CDYL2: variants seen among roughly 807,000 people sequenced by gnomAD.
The protein encoded by CDYL2 is chromodomain Y-like protein 2.
In CDYL2, 23 loss-of-function variants were observed where a neutral mutation model predicts 49.4. The ratio of observed to expected loss-of-function variants is 0.47; its 90% CI spans 0.34 to 0.66. CDYL2 has a LOEUF of 0.66. Ranked by LOEUF, CDYL2 falls within the 30% of genes least tolerant of loss-of-function variation. The pLI is 0.01. For synonymous variants in CDYL2, 360 were observed against 268.8 expected (o/e 1.34, Z -3.32); for missense variants, 678 against 656.4 (o/e 1.03, Z -0.36).
At chr16:80,655,327 C>T (rs537799037) in intron 2 of CDYL2, among the ~76,000 whole-genome samples, 1 of 152,304 alleles carries the variant, frequency 6.6e-6, no homozygotes, top group East Asian at 1.9e-4. Context: ...TTACTTGCCA[C>T]CTCCTATGGG....
chr16:80,627,144 C>G (rs987858617), intron 3 of CDYL2, among the ~76,000 whole-genome samples: 1 of 152,126 alleles, frequency 6.6e-6, no homozygotes, highest in Non-Finnish European at 1.5e-5. Context: ...TAAGCACATT[C>G]CAGCCTATCT....
At position 80,607,200 on chromosome 16, in the gene CDYL2, G is replaced by A. The variant is rs765391725; in HGVS notation, c.1362+892C>T. 3.3e-5 allele frequency among the ~76,000 whole-genome samples: 5 copies of A among 152,082 alleles called. No homozygotes were observed. The East Asian group carries it at 5.8e-4, about 18-fold the overall frequency. On this transcript the variant is annotated intron_variant, in intron 6 of 6. Coordinates refer to ENST00000570137, the MANE Select transcript of CDYL2 (RefSeq NM_152342.4). ...CACCCCCCACCGTCACCCTCACCCC[G>A]CGAGCACTGTCTGTTCAGCTTGCAG...
At chr16:80,783,028 G>A (rs914903629) in intron 1 of CDYL2, among the ~76,000 whole-genome samples, 3 of 152,002 alleles carry the variant, frequency 2.0e-5, no homozygotes, top group African/African-American at 7.2e-5. Flanking sequence ...GGCAATGAAA[G>A]AAAACACAGA....
chr16:80,685,191 G>A (rs758056930), intron 1 of CDYL2, 62 bp from the exon 2 acceptor site: 804 of 1,302,576 alleles, frequency 6.2e-4, no homozygotes, highest in Non-Finnish European at 8.2e-4. Flanking sequence ...CTCAGTTCGA[G>A]GCAACAAGAA....
chr16:80,796,530 A>G (rs1379346338), intron 1 of CDYL2, among the ~76,000 whole-genome samples: 1 of 152,170 alleles, frequency 6.6e-6, no homozygotes, highest in African/African-American at 2.4e-5. Context: ...CGTATGTTCT[A>G]CTTTTTTCTC....
intron 2 of CDYL2, among the ~76,000 whole-genome samples, chr16:80,644,937 T>C (rs1388220262): frequency 6.6e-6 from 1 of 152,150 alleles, no homozygotes; most frequent in Non-Finnish European, 1.5e-5. Flanking sequence ...GCTAGCCATA[T>C]GTAGAAAGCT....
intron 2 of CDYL2, among the ~76,000 whole-genome samples, chr16:80,668,297 G>C (rs1909355651): frequency 6.6e-6 from 1 of 152,182 alleles, no homozygotes; most frequent in African/African-American, 2.4e-5. Flanking sequence ...TGTCAACTTG[G>C]TGAGGCCTTG....
chr16:80,763,520 G>C (rs566502829), intron 1 of CDYL2, among the ~76,000 whole-genome samples: 3 of 152,148 alleles, frequency 2.0e-5, no homozygotes, highest in South Asian at 2.1e-4. Context: ...GCTGAGGTGG[G>C]AGAATCACTT....
intron 3 of CDYL2, among the ~76,000 whole-genome samples, chr16:80,629,709 T>G (rs1597134256): frequency 6.6e-6 from 1 of 152,230 alleles, no homozygotes; most frequent in Non-Finnish European, 1.5e-5. Context: ...CAGTAATGTA[T>G]GAATTTCTGC....
chr16:80,695,749 C>A (rs8060994), intron 1 of CDYL2, among the ~76,000 whole-genome samples: 1 of 151,916 alleles, frequency 6.6e-6, no homozygotes, highest in South Asian at 2.1e-4. Flanking sequence ...CACCCAGATA[C>A]ATAAAGCAAA....
chr16:80,739,465 G>C (rs1009289758), intron 1 of CDYL2, among the ~76,000 whole-genome samples: 1 of 152,210 alleles, frequency 6.6e-6, no homozygotes, highest in African/African-American at 2.4e-5. Flanking sequence ...AGATGCAAGA[G>C]CTAAAGAAAG....
intron 1 of CDYL2, among the ~76,000 whole-genome samples, chr16:80,796,623 A>G (rs897071058): frequency 6.6e-6 from 1 of 152,184 alleles, no homozygotes; most frequent in African/African-American, 2.4e-5. Context: ...AAACATGTAG[A>G]TCCAAAGTCT....
chr16:80,784,467 G>A (rs1289037302), intron 1 of CDYL2, among the ~76,000 whole-genome samples: 1 of 152,148 alleles, frequency 6.6e-6, no homozygotes, highest in Non-Finnish European at 1.5e-5. Context: ...CTTTGCTGAT[G>A]AACCGAGAAT....
rs1238153993 is a variant in CDYL2, at chr16:80,598,546, C to A, written c.*5842G>T. The A allele has an allele frequency of 1.3e-5, 2 of 152,156 alleles. No individual in the cohort carries two copies. The highest frequency in any genetic ancestry group is 2.9e-5 in the Non-Finnish European group (2 of 68,054). The allele number at this position is 152,156 out of a possible 1,614,324, so 9.4% of individuals were successfully genotyped here. A position where few individuals can be genotyped will look rare whatever the true frequency, so the allele number is the denominator to read the frequency against. ...AAAGGAGGCAGACATTTGGAAAGTG[C>A]AGGATCCTACTGTTCAGTATAGACA... On this transcript the variant is annotated 3_prime_UTR_variant, in exon 7 of 7. Coordinates refer to ENST00000570137, the MANE Select transcript of CDYL2 (RefSeq NM_152342.4).
chr16:80,684,983 C>G lies in CDYL2; in HGVS notation c.171G>C (p.Gly57=). The change falls in exon 2 of 7, where the codon GGG becomes GGC. Residue 57 remains glycine, a synonymous_variant. Transcript: ENST00000570137. ...TCCTCTTGTCCTTGGACATGTGCAA[C>G]CCATTGAATTCATCAATAAACTCCT... The part of the protein sequence containing the change: ...HCEEFIDEFN[G]LHMSKDKRIK... The G allele has an allele frequency of 6.2e-7, 1 of 1,614,104 alleles. No individual in the cohort carries two copies. Among genetic ancestry groups the G allele is most frequent in the Non-Finnish European group, 8.5e-7 (1 of 1,179,964 alleles).
At chr16:80,654,309 G>A (rs1345997019) in intron 2 of CDYL2, among the ~76,000 whole-genome samples, 1 of 152,180 alleles carries the variant, frequency 6.6e-6, no homozygotes, top group African/African-American at 2.4e-5. Flanking sequence ...GCCTGGACAG[G>A]CTCCGTGTTC....
chr16:80,615,377 C>T (rs1226016899), intron 4 of CDYL2, among the ~76,000 whole-genome samples: 3 of 152,090 alleles, frequency 2.0e-5, no homozygotes, highest in Non-Finnish European at 4.4e-5. Context: ...TCCTGAGTGA[C>T]CTCATACAAT....
chr16:80,709,112 G>A (rs539248155), intron 1 of CDYL2, among the ~76,000 whole-genome samples: 16 of 152,294 alleles, frequency 1.1e-4, no homozygotes, highest in African/African-American at 3.4e-4. Context: ...AGCCAGGCCT[G>A]GTGGCTCACG....
intron 2 of CDYL2, among the ~76,000 whole-genome samples, chr16:80,680,289 A>T (rs1445668564): frequency 6.6e-6 from 1 of 152,226 alleles, no homozygotes. Flanking sequence ...GACAACAGTC[A>T]TCAAGATGCA....
Sources: gnomAD v4.1 joint callset for allele counts (sites outside exome capture counted in the v4.1 genomes callset) on GRCh38, gnomAD v4.1.1 for gene constraint, MANE v1.5 for transcripts, NCBI Gene and HGNC (gene_info 2026-07-23, HGNC 2026-07-21) for gene names.